SLC16A5: variants seen among roughly 807,000 people sequenced by gnomAD.
SLC16A5 encodes the protein solute carrier family 16 member 5.
SLC16A5 carries 29 observed loss-of-function variants against 33.2 expected under a neutral mutation model. That is an observed-to-expected ratio of 0.87 (90% CI 0.65 to 1.19). The LOEUF (loss-of-function observed/expected upper bound fraction) is 1.19, where lower values mean the gene tolerates loss of function less well. Among genes scored for constraint, SLC16A5 ranks in the 50% most tolerant of loss-of-function variants. The pLI, the probability that SLC16A5 is intolerant of heterozygous loss-of-function variation, is 0.00. For missense variants in SLC16A5, 606 were observed against 678.2 expected, an observed-to-expected ratio of 0.89 and a Z score of 1.18; for synonymous variants, 248 against 284.1, an observed-to-expected ratio of 0.87 and a Z score of 1.28.
intron 3 of SLC16A5, among the ~76,000 whole-genome samples, chr17:75,095,013 G>A (rs1325790111): frequency 2.6e-5 from 4 of 152,228 alleles, no homozygotes; most frequent in Admixed American, 6.5e-5. Context: ...GGAGGGGCCC[G>A]GTGGACAGCA....
intron 5 of SLC16A5, among the ~76,000 whole-genome samples, chr17:75,103,333 CTT>C (rs1194395211): frequency 5.4e-4 from 69 of 128,528 alleles, no homozygotes; most frequent in African/African-American, 6.0e-4. Flanking sequence ...CAAGGGAATT[CTT>C]TTTTTTTTTT....
At chr17:75,095,200 G>C (rs2073700943) in intron 3 of SLC16A5, among the ~76,000 whole-genome samples, 1 of 152,198 alleles carries the variant, frequency 6.6e-6, no homozygotes, top group Admixed American at 6.5e-5. Context: ...CCACCCTCCT[G>C]GGTGAGCTCT....
chr17:75,109,792 G>A (rs2073892210), downstream of SLC16A5, among the ~76,000 whole-genome samples: 1 of 152,234 alleles, frequency 6.6e-6, no homozygotes, highest in Non-Finnish European at 1.5e-5. This position sits in a 1 kb window ranked among gnomAD's most constrained non-coding sequence, Gnocchi z 5.0. Context: ...GCTCCTCGCA[G>A]TACACCCACC....
At chr17:75,109,132 AC>A (rs58648926), downstream of SLC16A5, among the ~76,000 whole-genome samples, 1,088 of 152,040 alleles carry the variant, frequency 7.2e-3, 14 homozygotes, top group African/African-American at 0.025. This position sits in a 1 kb window ranked among gnomAD's most constrained non-coding sequence, Gnocchi z 5.0. Flanking sequence ...TCTATCACAC[AC>A]CCGCTTCCTG....
downstream of SLC16A5, among the ~76,000 whole-genome samples, chr17:75,106,470 C>A (rs2073864102): frequency 6.6e-6 from 1 of 151,884 alleles, no homozygotes; most frequent in African/African-American, 2.4e-5. Flanking sequence ...AAAAAGATAT[C>A]AGCTGGAGAT....
chr17:75,099,686 A>G (rs901958654), intron 4 of SLC16A5, among the ~76,000 whole-genome samples: 13 of 152,188 alleles, frequency 8.5e-5, no homozygotes, highest in African/African-American at 3.1e-4. Context: ...TGATCCGCCA[A>G]CCTTGGCCTC....
At chr17:75,098,361 G>A (rs371953623) in intron 4 of SLC16A5, among the ~76,000 whole-genome samples, 180 bp downstream of exon 4, 7 of 152,144 alleles carry the variant, frequency 4.6e-5, no homozygotes, top group East Asian at 1.9e-4. Context: ...TCAGGGGTTC[G>A]AGACTAGCCC....
intron 6 of SLC16A5, chr17:75,104,811 T>G: frequency 1.0e-6 from 1 of 985,356 alleles, no homozygotes; most frequent in Non-Finnish European, 1.2e-6. Context: ...CTTTTTTCCT[T>G]GGGTACCAGG....
intron 2 of SLC16A5, among the ~76,000 whole-genome samples, chr17:75,093,074 G>T (rs2073664410): frequency 6.6e-6 from 1 of 152,034 alleles, no homozygotes; most frequent in Non-Finnish European, 1.5e-5. Flanking sequence ...GCTCACTCAG[G>T]CCTTCACAAC....
chr17:75,097,612 T>A (rs11870640), intron 3 of SLC16A5, among the ~76,000 whole-genome samples: 9,343 of 151,892 alleles, frequency 0.062, 945 homozygotes, highest in African/African-American at 0.21. Context: ...TAAAACAGGA[T>A]CTGAAGGTGC....
In SLC16A5 at chr17:75,093,716, C is replaced by T; in HGVS notation, c.80C>T (p.Thr27Ile). The change falls in exon 3 of 7, where the codon ACC becomes ATC. Residue 27 changes from threonine to isoleucine, a missense_variant. Thr to Ile is a moderately conservative substitution (Grantham distance 89). Transcript: ENST00000329783. ...GCCACCATGGTGACCCAGGGCCTCA[C>T]CCTGGGCTTCCCCACGTGTATCGGC... The part of the protein sequence containing the change: ...LLATMVTQGL[T>I]LGFPTCIGIF... 6.2e-7 allele frequency: 1 copy of T among 1,614,014 alleles called. No individual in the cohort carries two copies. Among genetic ancestry groups the T allele is most frequent in the African/African-American group, 1.3e-5 (1 of 75,038 alleles).
At chr17:75,106,163 C>T (rs2073860844), downstream of SLC16A5, 3 of 516,776 alleles carry the variant, frequency 5.8e-6, no homozygotes, top group South Asian at 3.6e-5. Context: ...AAAAAGAAAA[C>T]GTAGGAGGTT....
chr17:75,096,093 C>T (rs560951214), intron 3 of SLC16A5, among the ~76,000 whole-genome samples: 30 of 151,890 alleles, frequency 2.0e-4, no homozygotes, highest in South Asian at 6.2e-4. Flanking sequence ...ACATGAGCCA[C>T]GGCACCTGAC....
chr17:75,104,394 C>T, intron 6 of SLC16A5: 1 of 1,363,622 alleles, frequency 7.3e-7, no homozygotes, highest in Non-Finnish European at 9.4e-7. Flanking sequence ...AGGCTGGCCT[C>T]TGAAGATGCC....
chr17:75,104,184 T>C lies in SLC16A5; in HGVS notation c.1364+4T>C, dbSNP rs756840237. Reference sequence around the variant, plus strand: ...AGCAACGGTCCCCTGAGATCATGTATGTAACCAGCGTCTAAGACCCAGGGT... The same window carrying C: ...AGCAACGGTCCCCTGAGATCATGTACGTAACCAGCGTCTAAGACCCAGGGT... On this transcript the variant is annotated splice_donor_region_variant and intron_variant, in intron 6 of 6. Transcript: ENST00000329783. 54 of 1,613,740 alleles carry C rather than the reference T, an allele frequency of 3.3e-5. 1 individual carries two copies. The highest frequency in any genetic ancestry group is 4.6e-5 in the Non-Finnish European group (54 of 1,179,980).
At chr17:75,091,399 C>G (rs1314110716) in intron 2 of SLC16A5, among the ~76,000 whole-genome samples, 1 of 152,134 alleles carries the variant, frequency 6.6e-6, no homozygotes, top group African/African-American at 2.4e-5. Context: ...GGAGGAGGGC[C>G]AGGCTGGGAG....
chr17:75,092,165 G>A (rs752683756), intron 2 of SLC16A5, among the ~76,000 whole-genome samples: 3 of 152,020 alleles, frequency 2.0e-5, no homozygotes, highest in Admixed American at 6.6e-5. Context: ...CTCTGTGTTT[G>A]TGTGTAACTG....
rs539800402 is a variant in SLC16A5 at position 75,099,812 on chromosome 17, G to A, written c.344-195G>A. On this transcript the variant is annotated intron_variant, in intron 4 of 6. Coordinates refer to ENST00000329783, the MANE Select transcript of SLC16A5 (RefSeq NM_004695.4). ...GGGATGCCCTGGCAGCCTTGGGAGG[G>A]CAGATCTGGGGTGGGGTGCCTACAG... is the stretch of plus-strand genomic sequence containing the variant. 805 of 598,178 alleles carry A rather than the reference G, an allele frequency of 1.3e-3. 1 individual carries two copies. The highest frequency in any genetic ancestry group is 1.9e-3 in the Non-Finnish European group (655 of 339,732). 37.1% of individuals were successfully genotyped at this position (598,178 alleles called of 1,614,324 possible).
In SLC16A5 at chr17:75,105,910, T is replaced by G. The variant is rs1273098586; in HGVS notation, c.1395T>G (p.Ala465=). ...AGTCTTCCCGCCAGCCACGTCCAGC[T>G]GGCGTCAATAAGCATCTTTGGGGAT... The part of the protein sequence containing the change: ...MCQSSRQPRP[A]GVNKHLWGCP... Residue 465 remains alanine (A), a synonymous_variant, in exon 7 of 7, where the codon GCT becomes GCG. Transcript: ENST00000329783. The G allele has an allele frequency of 6.2e-7, 1 of 1,608,648 alleles. No individual in the cohort carries two copies. Among genetic ancestry groups the G allele is most frequent in the South Asian group, 1.1e-5 (1 of 90,638 alleles).
Sources: gnomAD v4.1 joint callset for allele counts (sites outside exome capture counted in the v4.1 genomes callset) on GRCh38, gnomAD v4.1.1 for gene constraint, Gnocchi (gnomAD v3.1) non-coding constraint, MANE v1.5 for transcripts, NCBI Gene and HGNC (gene_info 2026-07-23, HGNC 2026-07-21) for gene names.